Variants in AGMO observed in about 807,000 individuals in gnomAD.
AGMO encodes alkylglycerol monooxygenase, also known as glyceryl-ether monooxygenase.
Under a neutral mutation model 60.2 loss-of-function variants are expected in AGMO, and 75 were observed. That is an observed-to-expected ratio of 1.25 (90% confidence interval 1.03 to 1.51). The LOEUF is 1.51. Among genes scored for constraint, AGMO ranks in the 40% most tolerant of loss-of-function variants. The pLI is 0.00. For missense variants in AGMO, 763 were observed against 525.5 expected (o/e 1.45, Z -4.42); for synonymous variants, 261 against 177.1 (o/e 1.47, Z -3.76).
chr7:15,183,798 C>T, the AGMO span, among the ~76,000 whole-genome samples: 2 of 152,142 alleles, frequency 1.3e-5, no homozygotes, highest in African/African-American at 4.8e-5. Context: ...CTTTAAGCAT[C>T]AAATAGTTGT....
At chr7:15,197,525 G>C (rs970504452), downstream of AGMO, among the ~76,000 whole-genome samples, 6 of 152,202 alleles carry the variant, frequency 3.9e-5, no homozygotes, top group African/African-American at 1.4e-4. Context: ...ATTAGATTCA[G>C]TTTAACAAAA....
chr7:15,438,111 C>T (rs57618013), intron 3 of AGMO, among the ~76,000 whole-genome samples: 5,600 of 152,002 alleles, frequency 0.037, 328 homozygotes, highest in African/African-American at 0.13. Flanking sequence ...ATTTTTAGTA[C>T]GAAGTAAAAA....
intron 12 of AGMO, among the ~76,000 whole-genome samples, chr7:15,203,647 C>T (rs1711665791): frequency 6.6e-6 from 1 of 151,964 alleles, no homozygotes; most frequent in African/African-American, 2.4e-5. Context: ...AGCACTGTCC[C>T]ACATGCCTTT....
chr7:15,279,739 AG>A (rs1165609841), intron 12 of AGMO, among the ~76,000 whole-genome samples: 1 of 152,178 alleles, frequency 6.6e-6, no homozygotes, highest in African/African-American at 2.4e-5. Flanking sequence ...AAGCCTCCAG[AG>A]TAAGAGCTGG....
intron 5 of AGMO, among the ~76,000 whole-genome samples, chr7:15,395,388 C>A (rs1306477768): frequency 6.6e-6 from 1 of 151,950 alleles, no homozygotes; most frequent in Non-Finnish European, 1.5e-5. Context: ...AAGGTGTGCA[C>A]CTTTAGATAT....
intron 3 of AGMO, among the ~76,000 whole-genome samples, chr7:15,468,402 G>A (rs1344786230): frequency 7.2e-5 from 11 of 151,966 alleles, no homozygotes; most frequent in Admixed American, 7.2e-4. Flanking sequence ...AATTGTCTAT[G>A]TTATCTAATA....
In AGMO at chr7:15,274,099, T is replaced by C. The variant is rs199921719; in HGVS notation, c.1264-72740A>G. Among the ~76,000 whole-genome samples, 24 of 152,312 alleles carry C rather than the reference T, an allele frequency of 1.6e-4. No homozygotes were observed. The East Asian group carries it at 2.5e-3, about 16-fold the overall frequency. ...ACTATTTGACTTCCTCTTTTCCTAA[T>C]TGAATACCCTTTATTTCCTTCTCCT... is the stretch of plus-strand genomic sequence containing the variant. On this transcript the variant is annotated intron_variant, in intron 12 of 12. Coordinates refer to ENST00000342526, the MANE Select transcript of AGMO (RefSeq NM_001004320.2).
intron 12 of AGMO, among the ~76,000 whole-genome samples, chr7:15,325,033 C>T (rs1167927922): frequency 5.3e-5 from 8 of 152,012 alleles, no homozygotes; most frequent in Admixed American, 3.3e-4. Context: ...AATTCAAATA[C>T]CTAACATTTT....
At chr7:15,268,076 T>C (rs1783486796) in intron 12 of AGMO, among the ~76,000 whole-genome samples, 1 of 151,694 alleles carries the variant, frequency 6.6e-6, no homozygotes, top group African/African-American at 2.4e-5. Flanking sequence ...AAGAGAAACA[T>C]TAATATGATA....
At chr7:15,372,063 T>C (rs1783240318) in intron 10 of AGMO, among the ~76,000 whole-genome samples, 1 of 152,136 alleles carries the variant, frequency 6.6e-6, no homozygotes, top group Admixed American at 6.5e-5. Context: ...CACATATGCT[T>C]AATTTAGGGT....
At chr7:15,447,937 C>T (rs10215704) in intron 3 of AGMO, among the ~76,000 whole-genome samples, 122,087 of 152,064 alleles carry the variant, frequency 0.8, 50,040 homozygotes, top group African/African-American at 0.88. Context: ...CAAGCAGAAA[C>T]AGAATGGGGG....
chr7:15,494,056 C>T (rs1183809221), intron 3 of AGMO, among the ~76,000 whole-genome samples: 1 of 152,124 alleles, frequency 6.6e-6, no homozygotes, highest in Non-Finnish European at 1.5e-5. Context: ...CTTATTTCCT[C>T]CTTGACACTG....
intron 12 of AGMO, among the ~76,000 whole-genome samples, chr7:15,341,236 G>A (rs562522722): frequency 6.6e-6 from 1 of 152,022 alleles, no homozygotes; most frequent in Non-Finnish European, 1.5e-5. Flanking sequence ...GCATCATTAG[G>A]CTGCAAATTT....
rs537586707 is a variant in AGMO at position 15,469,742 on chromosome 7, A to C, written c.410-38634T>G. On this transcript the variant is annotated intron_variant, in intron 3 of 12. Coordinates refer to ENST00000342526, the MANE Select transcript of AGMO (RefSeq NM_001004320.2). The stretch of plus-strand genomic sequence containing the variant: ...GTGATGATATTAAAGGAGATAGAGA[A>C]TACATAAGGAAAGCCAGGAAGGAAG... Among the ~76,000 whole-genome samples the C allele has an allele frequency of 5.3e-5, 8 of 152,272 alleles. No individual in the cohort carries two copies. The East Asian group carries it at 1.5e-3, about 29-fold the overall frequency.
the AGMO span, among the ~76,000 whole-genome samples, chr7:15,157,316 A>C: frequency 1.3e-5 from 2 of 152,162 alleles, no homozygotes; most frequent in African/African-American, 2.4e-5. Context: ...AGAGGGTAGG[A>C]GAGTAAAGAG....
intron 12 of AGMO, among the ~76,000 whole-genome samples, chr7:15,354,412 G>T (rs1342174288): frequency 5.0e-5 from 1 of 19,810 alleles, no homozygotes; most frequent in Non-Finnish European, 7.5e-5. Flanking sequence ...GTGTACACAC[G>T]TGTGTGTATA....
At chr7:15,161,594 T>C in the AGMO span, among the ~76,000 whole-genome samples, 1 of 151,080 alleles carries the variant, frequency 6.6e-6, no homozygotes, top group Non-Finnish European at 1.5e-5. Flanking sequence ...TATATACATA[T>C]ATGTATCCAT....
chr7:15,423,405 A>C (rs548444633), intron 4 of AGMO, among the ~76,000 whole-genome samples: 1 of 152,314 alleles, frequency 6.6e-6, no homozygotes, highest in Non-Finnish European at 1.5e-5. Flanking sequence ...ATTATCTTTA[A>C]GTAACCTATG....
chr7:15,198,236 A>AGAGAGG (rs1563030425), downstream of AGMO, among the ~76,000 whole-genome samples: 15 of 115,822 alleles, frequency 1.3e-4, no homozygotes, highest in Non-Finnish European at 2.1e-4. Context: ...AGAGAGAGAG[A>AGAGAGG]GAGAGAGAGA....
Sources: gnomAD v4.1 joint callset for allele counts (sites outside exome capture counted in the v4.1 genomes callset) on GRCh38, gnomAD v4.1.1 for gene constraint, MANE v1.5 for transcripts, NCBI Gene and HGNC (gene_info 2026-07-23, HGNC 2026-07-21) for gene names.